Variants in NCK1 observed in about 807,000 individuals in gnomAD.
The protein encoded by NCK1 is NCK adaptor protein 1, also known as SH2/SH3 adapter protein NCK1.
Under a neutral mutation model 36.6 loss-of-function variants are expected in NCK1, and 19 were observed. The observed-to-expected ratio is 0.52, with a 90% CI of 0.36 to 0.76. The LOEUF (loss-of-function observed/expected upper bound fraction) is 0.76. Ranked by LOEUF, NCK1 falls within the 30% of genes least tolerant of loss-of-function variation. The probability of loss-of-function intolerance (pLI) is 0.00; values close to 1 mark genes in which losing one functional copy is unlikely to be tolerated. For synonymous variants in NCK1, 165 were observed against 156.0 expected (o/e 1.06, Z -0.43); for missense variants, 358 against 445.6 (o/e 0.80, Z 1.77).
intron 1 of NCK1, among the ~76,000 whole-genome samples, chr3:136,890,323 C>CGGAA (rs1939206858): frequency 2.0e-5 from 3 of 152,192 alleles, no homozygotes; most frequent in Admixed American, 2.0e-4. Flanking sequence ...CACGCCCACC[C>CGGAA]GGAACTCCAG....
At chr3:136,887,742 C>T (rs1170220197) in intron 1 of NCK1, among the ~76,000 whole-genome samples, 1 of 152,146 alleles carries the variant, frequency 6.6e-6, no homozygotes, top group Non-Finnish European at 1.5e-5. Context: ...GTGTCTCAGG[C>T]ACTGTACTGT....
At chr3:136,934,090 A>G (rs942083064) in intron 2 of NCK1, among the ~76,000 whole-genome samples, 2 of 152,198 alleles carry the variant, frequency 1.3e-5, no homozygotes, top group African/African-American at 2.4e-5. Flanking sequence ...AGTTCCTGCT[A>G]TGTACTGTAA....
intron 1 of NCK1, among the ~76,000 whole-genome samples, chr3:136,924,814 A>G (rs528166937): frequency 6.6e-6 from 1 of 152,294 alleles, no homozygotes; most frequent in South Asian, 2.1e-4. Flanking sequence ...AGAGTTATTT[A>G]TATCATGCTC....
intron 1 of NCK1, among the ~76,000 whole-genome samples, chr3:136,917,611 TAC>T (rs1376458588): frequency 6.6e-6 from 1 of 152,226 alleles, no homozygotes; most frequent in East Asian, 1.9e-4. Flanking sequence ...GTTCATATCT[TAC>T]ACTTTTCCTG....
chr3:136,948,525 T>A lies in NCK1; in HGVS notation c.*72T>A. 1.5e-6 allele frequency: 2 copies of A among 1,340,610 alleles called. No homozygotes were observed. The highest frequency in any genetic ancestry group is 2.1e-6 in the Non-Finnish European group (2 of 965,680). The allele number at this position is 1,340,610 out of a possible 1,614,324, so 83.0% of individuals were successfully genotyped here. ...AATTGAAGACTGAGAAAATGTTGGG[T>A]CCAGTCGTGCTTGATTGGAAATTGT... On this transcript the variant is annotated 3_prime_UTR_variant, in exon 4 of 4. Coordinates refer to ENST00000481752, the MANE Select transcript of NCK1 (RefSeq NM_001291999.2).
chr3:136,945,493 TG>T, intron 2 of NCK1, 89 bp from the exon 3 acceptor site: 1 of 923,378 alleles, frequency 1.1e-6, no homozygotes, highest in Non-Finnish European at 1.6e-6. Context: ...TATATAGAGT[TG>T]AAGATCTCTT....
At chr3:136,932,245 A>C (rs1422788755) in intron 2 of NCK1, among the ~76,000 whole-genome samples, 4 of 152,188 alleles carry the variant, frequency 2.6e-5, no homozygotes, top group African/African-American at 9.7e-5. Context: ...GCATTTGCAG[A>C]CTGGGAGTCA....
intron 1 of NCK1, among the ~76,000 whole-genome samples, chr3:136,919,283 T>A (rs1365087791): frequency 1.3e-5 from 2 of 152,320 alleles, no homozygotes; most frequent in East Asian, 3.9e-4. Context: ...TGGCAGTGAT[T>A]ACATAACTCT....
chr3:136,869,828 C>G (rs1358144128), intron 1 of NCK1, among the ~76,000 whole-genome samples: 1 of 151,904 alleles, frequency 6.6e-6, no homozygotes, highest in African/African-American at 2.4e-5. Flanking sequence ...GTTGCTTTTT[C>G]TATTTGTTTA....
chr3:136,928,472 C>T, intron 2 of NCK1: 1 of 456,778 alleles, frequency 2.2e-6, no homozygotes, highest in Non-Finnish European at 3.9e-6. Context: ...GTAGAACTAA[C>T]TCTCACCTTC....
chr3:136,941,961 C>T (rs1241312655), intron 2 of NCK1, among the ~76,000 whole-genome samples: 1 of 152,168 alleles, frequency 6.6e-6, no homozygotes, highest in East Asian at 1.9e-4. Context: ...GCCTCAGCTT[C>T]CCGAGTAGCT....
intron 1 of NCK1, among the ~76,000 whole-genome samples, chr3:136,888,044 A>G (rs1939121106): frequency 6.6e-6 from 1 of 151,326 alleles, no homozygotes; most frequent in Admixed American, 6.6e-5. Flanking sequence ...TCCTAGGTTC[A>G]AGCTATTCTC....
At chr3:136,866,095 C>T (rs1172786774) in intron 1 of NCK1, among the ~76,000 whole-genome samples, 2 of 152,178 alleles carry the variant, frequency 1.3e-5, no homozygotes, top group Admixed American at 6.5e-5. Context: ...AGTGATAACT[C>T]TCTGTTATCT....
Sources: allele counts gnomAD v4.1 joint callset (sites outside exome capture counted in the v4.1 genomes callset), GRCh38; gene constraint gnomAD v4.1.1; transcripts MANE v1.5; gene names NCBI Gene and HGNC (gene_info 2026-07-23, HGNC 2026-07-21).